Variants in ADAMTS7 observed in about 807,000 individuals in gnomAD.
ADAMTS7 encodes the protein A disintegrin and metalloproteinase with thrombospondin motifs 7.
ADAMTS7 carries 89 observed loss-of-function variants against 172.6 expected under a neutral mutation model. That is an observed-to-expected ratio of 0.52 (90% confidence interval 0.43 to 0.61). ADAMTS7 has a LOEUF of 0.61. Among genes scored for constraint, ADAMTS7 ranks in the 20% least tolerant of loss-of-function variants. ADAMTS7 has a pLI of 0.00. For missense variants in ADAMTS7, 1,973 were observed against 2,355.6 expected (o/e 0.84, Z 3.36); for synonymous variants, 885 against 978.4 (o/e 0.90, Z 1.78).
chr15:78,791,196 T>G lies in ADAMTS7; in HGVS notation c.847A>C (p.Ile283Leu), dbSNP rs775700655. Residue 283 changes from isoleucine to leucine, a missense_variant, in exon 5 of 24, where the codon ATT becomes CTT. By Grantham distance (5) the Ile-to-Leu change is conservative (BLOSUM62 2). Around this residue, in one of 8 missense-constraint regions of ADAMTS7, gnomAD observed 526 missense variants for 662.9 expected, o/e 0.79. Transcript: ENST00000388820. ...MVAGLFHDPS[I>L]GNPIHITIVR... ...ATGGTGATGTGGATGGGGTTCCCAATGCTGGGGTCATGAAACAGGCCAGCC... is the reference window on the plus strand; with the variant it reads ...ATGGTGATGTGGATGGGGTTCCCAAGGCTGGGGTCATGAAACAGGCCAGCC... The G allele has an allele frequency of 1.2e-5, 19 of 1,613,278 alleles. No homozygotes were observed. The Middle Eastern group carries it at 5.0e-4, about 42-fold the overall frequency.
intron 8 of ADAMTS7, among the ~76,000 whole-genome samples, chr15:78,780,518 G>C (rs1188686754): frequency 6.6e-6 from 1 of 151,800 alleles, no homozygotes; most frequent in African/African-American, 2.4e-5. Context: ...GGAAAGCAGG[G>C]ACCAGGGCCT....
intron 10 of ADAMTS7, 78 bp from the exon 11 acceptor site, chr15:78,776,411 G>T: frequency 1.3e-6 from 2 of 1,536,782 alleles, no homozygotes; most frequent in South Asian, 1.2e-5. Context: ...AACAAGGTGG[G>T]TGGGAAGGCT....
intron 3 of ADAMTS7, among the ~76,000 whole-genome samples, chr15:78,797,139 G>A (rs1473689855): frequency 6.6e-6 from 1 of 152,174 alleles, no homozygotes; most frequent in Non-Finnish European, 1.5e-5. Context: ...CTATCTCCCC[G>A]TGTCACTTCC....
rs570820064 is a variant in ADAMTS7, at chr15:78,777,540, G to A, written c.1371C>T (p.Ile457=). Residue 457 remains isoleucine (I), a synonymous_variant, in exon 9 of 24, where the codon ATC becomes ATT. Coordinates refer to ENST00000388820, the MANE Select transcript of ADAMTS7 (RefSeq NM_014272.5). ...CLDDPPAKDI[I]DFPSVPPGVL... is the part of the protein sequence containing the mutation. ...CGCCAGGTGGCACCGAGGGGAAGTC[G>A]ATAATGTCCTTGGCAGGAGGGTCGT... is the stretch of plus-strand genomic sequence containing the variant. 1,183 of 1,607,334 alleles carry A rather than the reference G, an allele frequency of 7.4e-4. 2 individuals are homozygous for A. The highest frequency in any genetic ancestry group is 1.8e-3 in the South Asian group (165 of 89,798).
chr15:78,791,097 C>A, intron 5 of ADAMTS7, 43 bp downstream of exon 5: 1 of 1,589,260 alleles, frequency 6.3e-7, no homozygotes, highest in Non-Finnish European at 8.6e-7. Context: ...GCTCTGGCAG[C>A]CGAAGCCATT....
In ADAMTS7 at chr15:78,771,615, C is replaced by T. The variant is rs747613882; in HGVS notation, c.2346G>A (p.Pro782=). ...RRGNWENLTS[P]GPTKEPVWIQ... ...TCCAGACAGGCTCCTTGGTGGGACC[C>T]GGGGACGTGAGGTTCTCCCAGTTGC... The change falls in exon 15 of 24, where the codon CCG becomes CCA. Residue 782 remains proline (P), a synonymous_variant. Transcript: ENST00000388820. The surrounding 1 kb of genome is among the most constrained non-coding windows in gnomAD (Gnocchi z 4.9). 2.6e-5 allele frequency: 41 copies of T among 1,600,624 alleles called. No individual in the cohort carries two copies. Among genetic ancestry groups the T allele is most frequent in the Admixed American group, 5.0e-5 (3 of 59,772 alleles).
chr15:78,793,759 G>T (rs534942697), intron 4 of ADAMTS7, among the ~76,000 whole-genome samples: 1 of 152,294 alleles, frequency 6.6e-6, no homozygotes, highest in Admixed American at 6.5e-5. Context: ...CTGATCCCGA[G>T]GGAACATCTG....
At chr15:78,806,129 A>C (rs1052977394) in intron 1 of ADAMTS7, among the ~76,000 whole-genome samples, 640 of 22,764 alleles carry the variant, frequency 0.028, 1 homozygote, top group African/African-American at 0.039. Context: ...CACACACACA[A>C]AAAAAAAAAA....
intron 1 of ADAMTS7, among the ~76,000 whole-genome samples, chr15:78,809,073 T>C (rs2055832238): frequency 6.6e-6 from 1 of 152,112 alleles, no homozygotes; most frequent in Non-Finnish European, 1.5e-5. Flanking sequence ...AGTATGTGAA[T>C]GCCCTCCTCT....
intron 1 of ADAMTS7, among the ~76,000 whole-genome samples, chr15:78,806,082 C>T (rs2055784021): frequency 1.6e-5 from 2 of 127,862 alleles, no homozygotes; most frequent in Admixed American, 1.8e-4. Flanking sequence ...TCTGACTCCC[C>T]CCCCCAAAAA....
chr15:78,807,172 A>G (rs951037481), intron 1 of ADAMTS7, among the ~76,000 whole-genome samples: 4 of 152,246 alleles, frequency 2.6e-5, no homozygotes, highest in Non-Finnish European at 5.9e-5. Flanking sequence ...ACTGATGCCA[A>G]CCAGCTCTAA....
chr15:78,796,010 G>C (rs768809371), intron 4 of ADAMTS7, among the ~76,000 whole-genome samples: 19 of 152,178 alleles, frequency 1.2e-4, no homozygotes, highest in African/African-American at 4.6e-4. Flanking sequence ...GGGGTCAAGA[G>C]CAGTTTGCCC....
In ADAMTS7 at chr15:78,777,658, C is replaced by T. The variant is rs62012628; in HGVS notation, c.1323-70G>A. The T allele has an allele frequency of 0.31, 474,102 of 1,548,046 alleles. 74,690 individuals carry two copies. Among genetic ancestry groups the T allele is most frequent in the South Asian group, 0.44 (37,045 of 84,028 alleles). On this transcript the variant is annotated intron_variant, in intron 8 of 23. Transcript: ENST00000388820. Reference sequence around the variant, plus strand: ...CCCATCGGAGAAGCCTTGGTGGGGCCGGGACAGGAGGAGAGGTGGGAGGGG... The same window carrying T: ...CCCATCGGAGAAGCCTTGGTGGGGCTGGGACAGGAGGAGAGGTGGGAGGGG...
chr15:78,776,952 G>C, intron 9 of ADAMTS7, 111 bp from the exon 10 acceptor site: 1 of 820,818 alleles, frequency 1.2e-6, no homozygotes, highest in Non-Finnish European at 1.9e-6. Context: ...CACATGGCAG[G>C]GGCCCACAGA....
intron 23 of ADAMTS7, among the ~76,000 whole-genome samples, chr15:78,761,504 C>G (rs2055042323): frequency 6.6e-6 from 1 of 152,220 alleles, no homozygotes; most frequent in Non-Finnish European, 1.5e-5. Context: ...CTGAGCACCA[C>G]CTGGATCCCC....
chr15:78,789,872 C>T, intron 6 of ADAMTS7, 34 bp from the exon 7 acceptor site: 1 of 1,552,048 alleles, frequency 6.4e-7, no homozygotes, highest in Non-Finnish European at 8.7e-7. Flanking sequence ...TCAGGCTAAC[C>T]TGGCCCAGTG....
chr15:78,800,625 C>A, intron 1 of ADAMTS7, 78 bp from the exon 2 acceptor site: 1 of 1,380,228 alleles, frequency 7.2e-7, no homozygotes, highest in Non-Finnish European at 1.0e-6. Flanking sequence ...CAGAAGGGAG[C>A]GGCCAAGAGG....
chr15:78,766,541 C>T lies in ADAMTS7; in HGVS notation c.3370G>A (p.Val1124Ile), dbSNP rs777673887. The change falls in exon 19 of 24, where the codon GTA becomes ATA. Residue 1124 changes from valine (V) to isoleucine (I), a missense_variant. By Grantham distance (29) the Val-to-Ile change is conservative (BLOSUM62 3). Transcript: ENST00000388820. ...GGGCTCGGGGACCAAGGTCCCAGTA[C>T]CCCCTCCTCCTTGGCTGCAGGAGGC... ...TEPPAAKEEG[V>I]LGPWSPSPWP... 5 of 1,595,522 alleles carry T rather than the reference C, an allele frequency of 3.1e-6. No homozygotes were observed. Among genetic ancestry groups the T allele is most frequent in the Admixed American group, 1.7e-5 (1 of 58,672 alleles).
chr15:78,778,867 C>T (rs527496275), intron 8 of ADAMTS7, among the ~76,000 whole-genome samples: 1 of 152,042 alleles, frequency 6.6e-6, no homozygotes, highest in Non-Finnish European at 1.5e-5. Flanking sequence ...GAGAAAGAGA[C>T]ACTCCGAGAT....
Sources: gnomAD v4.1 joint callset for allele counts (sites outside exome capture counted in the v4.1 genomes callset) on GRCh38, gnomAD v4.1.1 for gene constraint, gnomAD v4.1.1 regional missense constraint, Gnocchi (gnomAD v3.1) non-coding constraint, MANE v1.5 for transcripts, NCBI Gene and HGNC (gene_info 2026-07-23, HGNC 2026-07-21) for gene names.